PLCB1: variants seen among roughly 807,000 people sequenced by gnomAD.
The protein encoded by PLCB1 is 1-phosphatidylinositol 4,5-bisphosphate phosphodiesterase beta-1.
PLCB1 carries 46 observed loss-of-function variants against 161.8 expected under a neutral mutation model. That is an observed-to-expected ratio of 0.28 (90% CI 0.22 to 0.36). The LOEUF (loss-of-function observed/expected upper bound fraction) is 0.36. Among genes scored for constraint, PLCB1 ranks in the 10% least tolerant of loss-of-function variants. PLCB1 has a pLI of 1.00. For synonymous variants in PLCB1, 517 were observed against 503.7 expected, an observed-to-expected ratio of 1.03 and a Z score of -0.35; for missense variants, 1,016 against 1,472.5, an observed-to-expected ratio of 0.69 and a Z score of 5.07.
chr20:8,626,304 C>T (rs954624397), intron 3 of PLCB1, among the ~76,000 whole-genome samples: 2 of 151,888 alleles, frequency 1.3e-5, no homozygotes, highest in African/African-American at 4.8e-5. Flanking sequence ...AGCTCTTTTC[C>T]AGAATTGTTT....
intron 3 of PLCB1, among the ~76,000 whole-genome samples, chr20:8,487,541 T>A (rs1200520100): frequency 6.6e-6 from 1 of 152,188 alleles, no homozygotes; most frequent in Non-Finnish European, 1.5e-5. Flanking sequence ...TCATGGAGTT[T>A]TGTAGTGGCA....
intron 3 of PLCB1, among the ~76,000 whole-genome samples, chr20:8,562,106 G>C (rs1986159969): frequency 1.3e-5 from 2 of 152,020 alleles, no homozygotes; most frequent in Non-Finnish European, 2.9e-5. Flanking sequence ...TTTCAGAGCT[G>C]AGTACGGAGG....
At chr20:8,874,974 A>G (rs946658020) in intron 31 of PLCB1, among the ~76,000 whole-genome samples, 1 of 151,702 alleles carries the variant, frequency 6.6e-6, no homozygotes, top group Non-Finnish European at 1.5e-5. Flanking sequence ...TGCTTCTTTA[A>G]AGGAAATTTC....
intron 1 of PLCB1, among the ~76,000 whole-genome samples, chr20:8,140,704 G>A (rs1369005455): frequency 1.3e-5 from 2 of 152,158 alleles, no homozygotes; most frequent in Non-Finnish European, 2.9e-5. Flanking sequence ...TTAAAACTAC[G>A]TCTTCTGGCC....
chr20:8,863,166 A>G (rs553119361), intron 31 of PLCB1, among the ~76,000 whole-genome samples: 1 of 152,354 alleles, frequency 6.6e-6, no homozygotes, highest in East Asian at 1.9e-4. Flanking sequence ...TGGTTAGGCC[A>G]AAGAGCTATA....
chr20:8,845,911 A>G (rs1986674624), intron 31 of PLCB1, among the ~76,000 whole-genome samples: 1 of 152,234 alleles, frequency 6.6e-6, no homozygotes, highest in Non-Finnish European at 1.5e-5. Flanking sequence ...CTGGCTGCCA[A>G]GTGTCCTGTA....
chr20:8,459,864 C>T (rs923140460), intron 3 of PLCB1, among the ~76,000 whole-genome samples: 1 of 152,120 alleles, frequency 6.6e-6, no homozygotes, highest in African/African-American at 2.4e-5. Context: ...ATAGGATTTC[C>T]TAGAATTAGT....
chr20:8,297,664 T>C (rs189483582), intron 2 of PLCB1, among the ~76,000 whole-genome samples: 14 of 152,270 alleles, frequency 9.2e-5, no homozygotes, highest in East Asian at 5.8e-4. Context: ...ATCAGTATCA[T>C]TAATGCACAA....
intron 31 of PLCB1, among the ~76,000 whole-genome samples, chr20:8,803,486 T>C (rs1030837461): frequency 3.4e-5 from 5 of 148,470 alleles, no homozygotes; most frequent in African/African-American, 9.9e-5. Context: ...ACACAGGGAA[T>C]GCCATGTCAG....
At chr20:8,313,927 A>C (rs576963426) in intron 2 of PLCB1, among the ~76,000 whole-genome samples, 1 of 152,294 alleles carries the variant, frequency 6.6e-6, no homozygotes, top group Admixed American at 6.5e-5. Context: ...CTGTATAACA[A>C]TGTCTTGTTG....
At chr20:8,382,449 A>AT (rs35089244) in intron 3 of PLCB1, among the ~76,000 whole-genome samples, 72,532 of 148,312 alleles carry the variant, frequency 0.49, 17,745 homozygotes, top group South Asian at 0.58. Flanking sequence ...CACCTGGCTA[A>AT]TTTTTTTGTA....
At chr20:8,858,316 A>C (rs6140772) in intron 31 of PLCB1, among the ~76,000 whole-genome samples, 43,133 of 152,098 alleles carry the variant, frequency 0.28, 7,412 homozygotes, top group East Asian at 0.65. Context: ...TGTCCTCAGT[A>C]ATAGCATCTA....
chr20:8,535,404 A>G (rs1332599096), intron 3 of PLCB1, among the ~76,000 whole-genome samples: 2 of 152,180 alleles, frequency 1.3e-5, no homozygotes, highest in African/African-American at 4.8e-5. Flanking sequence ...ATTTAGGAGT[A>G]TACATTAAAA....
chr20:8,776,823 G>T (rs1008801464), intron 27 of PLCB1, among the ~76,000 whole-genome samples: 3 of 152,142 alleles, frequency 2.0e-5, no homozygotes, highest in Non-Finnish European at 1.5e-5. Context: ...GGTAAAACAT[G>T]TAGTATGTTA....
chr20:8,760,403 A>G lies in PLCB1; in HGVS notation c.2657-4A>G, dbSNP rs777637262. The stretch of plus-strand genomic sequence containing the variant: ...GGCTATTTATTTTATCTTTTATATT[A>G]CAGGTTCTGTAAAGGCACCTGCCAA... On this transcript the variant is annotated splice_region_variant and splice_polypyrimidine_tract_variant and intron_variant, in intron 24 of 31. Coordinates refer to ENST00000338037, the MANE Select transcript of PLCB1 (RefSeq NM_015192.4). 59 of 1,585,804 alleles carry G rather than the reference A, an allele frequency of 3.7e-5. No homozygotes were observed. In the South Asian group the frequency reaches 6.6e-4, roughly 18 times the overall value.
intron 10 of PLCB1, among the ~76,000 whole-genome samples, chr20:8,695,800 A>G (rs899514266): frequency 3.9e-5 from 6 of 152,238 alleles, no homozygotes; most frequent in Admixed American, 3.9e-4. Flanking sequence ...TGTGTTGCTA[A>G]TGGGCCTGTT....
chr20:8,577,963 A>T (rs898158928), intron 3 of PLCB1, among the ~76,000 whole-genome samples: 1 of 152,154 alleles, frequency 6.6e-6, no homozygotes, highest in Admixed American at 6.5e-5. Context: ...AAACAAGCCT[A>T]AAAAAATTGC....
chr20:8,389,086 A>C (rs1488977757), intron 3 of PLCB1, among the ~76,000 whole-genome samples: 1 of 152,228 alleles, frequency 6.6e-6, no homozygotes. Flanking sequence ...AAAATGTAGA[A>C]TATTTTCTTT....
At chr20:8,647,737 T>C (rs937613682) in intron 5 of PLCB1, among the ~76,000 whole-genome samples, 163 bp from the exon 6 acceptor site, 3 of 152,160 alleles carry the variant, frequency 2.0e-5, no homozygotes, top group African/African-American at 7.2e-5. Context: ...AAAGTGACAA[T>C]GTTCTATTTC....
Sources: allele counts gnomAD v4.1 joint callset (sites outside exome capture counted in the v4.1 genomes callset), GRCh38; gene constraint gnomAD v4.1.1; transcripts MANE v1.5; gene names NCBI Gene and HGNC (gene_info 2026-07-23, HGNC 2026-07-21).